Variants in MST1 observed in about 807,000 individuals in gnomAD.
MST1 encodes hepatocyte growth factor-like protein.
In MST1, 76 loss-of-function variants were observed where a neutral mutation model predicts 100.1. That is an observed-to-expected ratio of 0.76 (90% CI 0.63 to 0.92). The LOEUF is 0.92. MST1 is among the 40% of genes least tolerant of loss of function. The probability of loss-of-function intolerance (pLI) is 0.00; values close to 1 mark genes in which losing one functional copy is unlikely to be tolerated. For synonymous variants in MST1, 352 were observed against 385.4 expected (o/e 0.91, Z 1.01); for missense variants, 850 against 990.0 (o/e 0.86, Z 1.90).
intron 8 of MST1, 47 bp downstream of exon 8, chr3:49,686,266 C>T: frequency 6.2e-7 from 1 of 1,604,742 alleles, no homozygotes; most frequent in Non-Finnish European, 8.5e-7. Context: ...CCTCCCGTCT[C>T]ACCCGCAGCA....
chr3:49,685,618 G>C lies in MST1; in HGVS notation c.1365C>G (p.Asp455Glu). The C allele has an allele frequency of 6.2e-7, 1 of 1,613,440 alleles. No individual in the cohort carries two copies. The highest frequency in any genetic ancestry group is 8.5e-7 in the Non-Finnish European group (1 of 1,179,856). ...CYTMDPRTPF[D>E]YCALRRCADD... Reference sequence around the variant, plus strand: ...CACCGCAGCGTCGCAGGGCACAGTAGTCGAATGGGGTCCTTGGGTCCATCG... The same window carrying C: ...CACCGCAGCGTCGCAGGGCACAGTACTCGAATGGGGTCCTTGGGTCCATCG... Residue 455 changes from aspartate (D) to glutamate (E), a missense_variant, in exon 11 of 18, where the codon GAC becomes GAG. Coordinates refer to ENST00000449682, the MANE Select transcript of MST1 (RefSeq NM_020998.4).
Position 49,686,141 on chromosome 3 carries a change from C to A in MST1, c.1068G>T (p.Trp356Cys). Residue 356 changes from tryptophan (W) to cysteine (C), a missense_variant, in exon 9 of 18, where the codon TGG becomes TGT. Around this residue, in one of 2 missense-constraint regions of MST1, gnomAD observed 816 missense variants for 924.6 expected, o/e 0.88. Coordinates refer to ENST00000449682, the MANE Select transcript of MST1 (RefSeq NM_020998.4). ...GCATGCCGGGCCGCAGTGTGAAGCACCAGGGCGCCTCTGAGCCGTCGGGGT... is the reference window on the plus strand; with the variant it reads ...GCATGCCGGGCCGCAGTGTGAAGCAACAGGGCGCCTCTGAGCCGTCGGGGT... The part of the protein sequence containing the change: ...CRNPDGSEAP[W>C]CFTLRPGMRA... 6.2e-7 allele frequency: 1 copy of A among 1,611,456 alleles called. No homozygotes were observed. The highest frequency in any genetic ancestry group is 8.5e-7 in the Non-Finnish European group (1 of 1,179,588).
chr3:49,685,519 G>A lies in MST1; in HGVS notation c.1388-13C>T. On this transcript the variant is annotated splice_polypyrimidine_tract_variant and intron_variant, in intron 11 of 17. Coordinates refer to ENST00000449682, the MANE Select transcript of MST1 (RefSeq NM_020998.4). Reference sequence around the variant, plus strand: ...GGCTGGTCATCAGCTGAAAGACAAAGTTCACTGGGGTTAAGGGAGCCAGCC... The same window carrying A: ...GGCTGGTCATCAGCTGAAAGACAAAATTCACTGGGGTTAAGGGAGCCAGCC... 1 of 1,613,476 alleles carries A rather than the reference G, an allele frequency of 6.2e-7. No homozygotes were observed.
rs1344990641 is a variant in MST1 at position 49,685,054 on chromosome 3, T to G, written c.1580A>C (p.Lys527Thr). 28 of 1,611,756 alleles carry G rather than the reference T, an allele frequency of 1.7e-5. No homozygotes were observed. The highest frequency in any genetic ancestry group is 2.3e-5 in the Non-Finnish European group (27 of 1,179,180). Reference sequence around the variant, plus strand: ...CCGGGCAGTCAGTATCCACTGCTCCTTCACTAGAGACCCCCCGCAGAAATG... The same window carrying G: ...CCGGGCAGTCAGTATCCACTGCTCCGTCACTAGAGACCCCCCGCAGAAATG... ...GQHFCGGSLV[K>T]EQWILTARQC... The change falls in exon 14 of 18, where the codon AAG (lysine) becomes ACG (threonine). Residue 527 changes from lysine (K) to threonine (T), a missense_variant. By Grantham distance (78) the Lys-to-Thr change is moderately conservative. Around this residue, in one of 2 missense-constraint regions of MST1, gnomAD observed 816 missense variants for 924.6 expected, o/e 0.88. Transcript: ENST00000449682.
intron 16 of MST1, 36 bp from the exon 17 acceptor site, chr3:49,684,489 T>C (rs1559645910): frequency 3.1e-6 from 5 of 1,613,538 alleles, no homozygotes; most frequent in Non-Finnish European, 3.4e-6. Flanking sequence ...GAGAGGGTCC[T>C]GCAGGAAGAT....
In MST1 at chr3:49,685,246, G is replaced by A. The variant is rs2053609437; in HGVS notation, c.1544+16C>T. 1.2e-6 allele frequency: 2 copies of A among 1,612,846 alleles called. No homozygotes were observed. Among genetic ancestry groups the A allele is most frequent in the Non-Finnish European group, 1.7e-6 (2 of 1,179,656 alleles). The stretch of plus-strand genomic sequence containing the variant: ...CCTCAGCTCCTCTCTGTGGGAGACA[G>A]GCAGTTGTGCCTCACCGATTCCGCA... On this transcript the variant is annotated intron_variant, in intron 13 of 17. Transcript: ENST00000449682.
rs1259279744 is a variant in MST1 at position 49,684,783 on chromosome 3, A to G, written c.1724T>C (p.Val575Ala). 1.2e-6 allele frequency: 2 copies of G among 1,613,526 alleles called. No individual in the cohort carries two copies. The highest frequency in any genetic ancestry group is 3.3e-5 in the Admixed American group (2 of 60,016). Residue 575 changes from valine (V) to alanine (A), a missense_variant, in exon 15 of 18, where the codon GTG (valine) becomes GCG (alanine). This residue lies in a region of MST1 where 816 missense variants were observed against 924.6 expected (regional missense o/e 0.88). Transcript: ENST00000449682. ...AAGCTGGGAGCCTGAGGGCCCACAC[A>G]CCATCTTGGCTACTGGGACCCGCTG... ...SLQRVPVAKMVCGPSGSQLVL... is the reference protein window; with the variant it reads ...SLQRVPVAKMACGPSGSQLVL...
Position 49,687,008 on chromosome 3 carries a change from C to T in MST1, c.667G>A (p.Gly223Arg), listed in dbSNP as rs1460222749. 2 of 1,611,442 alleles carry T rather than the reference C, an allele frequency of 1.2e-6. No homozygotes were observed. Among genetic ancestry groups the T allele is most frequent in the Admixed American group, 1.7e-5 (1 of 60,030 alleles). Reference sequence around the variant, plus strand: ...AGATCCCAGCGCTGGCACTCGCGCCCTGACTCCGTGCGGTCTACCGCGCCG... The same window carrying T: ...AGATCCCAGCGCTGGCACTCGCGCCTTGACTCCGTGCGGTCTACCGCGCCG... ...YRGAVDRTESGRECQRWDLQH... is the reference protein window; with the variant it reads ...YRGAVDRTESRRECQRWDLQH... Residue 223 changes from glycine to arginine, a missense_variant, in exon 6 of 18, where the codon GGG becomes AGG. Coordinates refer to ENST00000449682, the MANE Select transcript of MST1 (RefSeq NM_020998.4).
Position 49,687,436 on chromosome 3 carries a change from C to T in MST1, c.398G>A (p.Arg133Gln), listed in dbSNP as rs756426580. ...TCIMNNGVGY[R>Q]GTMATTVGGL... ...ACCCACGGTCGTGGCCATGGTGCCC[C>T]GGTACCCAACCCCATTGTTCATGAT... The change falls in exon 4 of 18, where the codon CGG becomes CAG. Residue 133 changes from arginine to glutamine, a missense_variant. By Grantham distance (43) the Arg-to-Gln change is conservative (BLOSUM62 1). This residue lies in a region of MST1 where 816 missense variants were observed against 924.6 expected (regional missense o/e 0.88). Coordinates refer to ENST00000449682, the MANE Select transcript of MST1 (RefSeq NM_020998.4). 17 of 1,613,286 alleles carry T rather than the reference C, an allele frequency of 1.1e-5. No homozygotes were observed. Among genetic ancestry groups the T allele is most frequent in the Middle Eastern group, 1.6e-4 (1 of 6,078 alleles).
intron 14 of MST1, 58 bp from the exon 15 acceptor site, chr3:49,684,942 A>G (rs2053575377): frequency 2.5e-6 from 4 of 1,613,414 alleles, no homozygotes; most frequent in Non-Finnish European, 3.4e-6. Context: ...CCCAAGGCTC[A>G]CTTGTTAGCT....
rs773787284 is a variant in MST1, at chr3:49,684,011, T to C, written c.*17A>G. 1.9e-6 allele frequency: 3 copies of C among 1,611,000 alleles called. No homozygotes were observed. The highest frequency in any genetic ancestry group is 2.2e-5 in the East Asian group (1 of 44,882). On this transcript the variant is annotated 3_prime_UTR_variant, in exon 18 of 18. Transcript: ENST00000449682. ...GAAGTTTTGTCCTCCCCAAGGCATA[T>C]GGCATCAAGGCTGGGCCTAACCCAG...
rs1462625175 is a variant in MST1, at chr3:49,685,147, C to T, written c.1545-58G>A. On this transcript the variant is annotated intron_variant, in intron 13 of 17. Coordinates refer to ENST00000449682, the MANE Select transcript of MST1 (RefSeq NM_020998.4). The stretch of plus-strand genomic sequence containing the variant: ...ACTCCTGGGACAGATGCTAGACCTG[C>T]CATCTTCTGGCTAGGACCTCTGGGG... 7.5e-6 allele frequency: 12 copies of T among 1,596,284 alleles called. No homozygotes were observed. In the East Asian group the frequency reaches 1.8e-4, roughly 24 times the overall value.
rs199957562 is a variant in MST1 at position 49,686,118 on chromosome 3, A to C, written c.1091T>G (p.Met364Arg). 6.2e-6 allele frequency: 10 copies of C among 1,609,648 alleles called. No individual in the cohort carries two copies. In the Admixed American group the frequency reaches 1.3e-4, roughly 22 times the overall value. The change falls in exon 9 of 18, where the codon ATG (methionine) becomes AGG (arginine). Residue 364 changes from methionine (M) to arginine (R), a missense_variant. Met to Arg is a moderately conservative substitution (Grantham distance 91, BLOSUM62 -1). Transcript: ENST00000449682. ...APWCFTLRPG[M>R]RAAFCYQIRR... ...GATCTGGTAGCAAAAGGCCGCGCGC[A>C]TGCCGGGCCGCAGTGTGAAGCACCA...
rs1215621278 is a variant in MST1, at chr3:49,687,363, C to T, written c.470+1G>A. On this transcript the variant is annotated splice_donor_variant, in intron 4 of 17. Transcript: ENST00000449682. LOFTEE classifies it high-confidence loss of function. ...GGACGGAGGGAAGGTGTTTGTCTCA[C>T]TTGTGATCATTTGGGAACTTGTGGC... The T allele has an allele frequency of 9.3e-6, 15 of 1,613,414 alleles. No homozygotes were observed. The highest frequency in any genetic ancestry group is 1.2e-5 in the Non-Finnish European group (14 of 1,179,864).
chr3:49,686,934 C>A lies in MST1; in HGVS notation c.728+13G>T. On this transcript the variant is annotated intron_variant, in intron 6 of 17. Coordinates refer to ENST00000449682, the MANE Select transcript of MST1 (RefSeq NM_020998.4). ...AGCCCGGCCCCCAGGACGCCGATAC[C>A]GCCTACGCGTACTTGCCCGGCTCGA... 1.2e-6 allele frequency: 2 copies of A among 1,611,592 alleles called. No homozygotes were observed. The highest frequency in any genetic ancestry group is 2.2e-5 in the South Asian group (2 of 91,032).
chr3:49,687,022 T>C lies in MST1; in HGVS notation c.653A>G (p.Asp218Gly), dbSNP rs1376494576. ...CNGEEYRGAV[D>G]RTESGRECQR... ...GCACTCGCGCCCTGACTCCGTGCGG[T>C]CTACCGCGCCGCGGTATTCCTCGCC... The change falls in exon 6 of 18, where the codon GAC becomes GGC. Residue 218 changes from aspartate (D) to glycine (G), a missense_variant. Asp to Gly is a moderately conservative substitution (Grantham distance 94). Transcript: ENST00000449682. The C allele has an allele frequency of 1.9e-6, 3 of 1,611,556 alleles. No individual in the cohort carries two copies. In the East Asian group the frequency reaches 6.7e-5, roughly 36 times the overall value.
rs138040954 is a variant in MST1 at position 49,685,362 on chromosome 3, A to G, written c.1444T>C (p.Cys482Arg). The G allele has an allele frequency of 2.1e-5, 34 of 1,613,512 alleles. No homozygotes were observed. Among genetic ancestry groups the G allele is most frequent in the Admixed American group, 1.2e-4 (7 of 59,992 alleles). The change falls in exon 13 of 18, where the codon TGT becomes CGT. Residue 482 changes from cysteine to arginine, a missense_variant. Cys to Arg is a radical substitution (Grantham distance 180, BLOSUM62 -3). Around this residue, in one of 2 missense-constraint regions of MST1, gnomAD observed 816 missense variants for 924.6 expected, o/e 0.88. Transcript: ENST00000449682. ...DPPDQVQFEK[C>R]GKRVDRLDQR... ...TCCAGCCGATCCACCCTCTTGCCAC[A>G]CTTCTCAAACTGCACCTGGTCTGTA...
intron 2 of MST1, 30 bp downstream of exon 2, chr3:49,687,720 C>T (rs1175549184): frequency 6.2e-7 from 1 of 1,613,570 alleles, no homozygotes; most frequent in African/African-American, 1.3e-5. Flanking sequence ...TCCCTGCCCC[C>T]AGTCTTATCT....
At position 49,685,917 on chromosome 3, in the gene MST1, T is replaced by C. The variant is rs201339455; in HGVS notation, c.1193A>G (p.Lys398Arg). The C allele has an allele frequency of 4.0e-4, 641 of 1,609,530 alleles. 5 individuals are homozygous for C. The East Asian group carries it at 0.012, about 30-fold the overall frequency. The change falls in exon 10 of 18, where the codon AAG (lysine) becomes AGG (arginine). Residue 398 changes from lysine to arginine, a missense_variant. Coordinates refer to ENST00000449682, the MANE Select transcript of MST1 (RefSeq NM_020998.4). Reference protein sequence around the residue: ...AGEQYRGTVSKTRKGVQCQRW... With the variant: ...AGEQYRGTVSRTRKGVQCQRW... Reference sequence around the variant, plus strand: ...CTGGCACTGGACACCCTTGCGGGTCTTGCTGACCGTGCCGCGGTACTGCTC... The same window carrying C: ...CTGGCACTGGACACCCTTGCGGGTCCTGCTGACCGTGCCGCGGTACTGCTC...
Sources: allele counts gnomAD v4.1 joint callset, GRCh38; gene constraint gnomAD v4.1.1; regional missense constraint gnomAD v4.1.1; transcripts MANE v1.5; gene names NCBI Gene and HGNC (gene_info 2026-07-23, HGNC 2026-07-21).